The following KHDRBS2 variants were observed in gnomAD, a reference collection of about 807,000 sequenced individuals.
The protein encoded by KHDRBS2 is KH domain-containing, RNA-binding, signal transduction-associated protein 2.
A neutral mutation model predicts 44.3 loss-of-function variants in KHDRBS2; 26 were observed. The ratio of observed to expected loss-of-function variants is 0.59; its 90% confidence interval spans 0.43 to 0.81. The LOEUF is 0.81. Ranked by LOEUF, KHDRBS2 falls within the 40% of genes least tolerant of loss-of-function variation. KHDRBS2 has a pLI of 0.00. For missense variants in KHDRBS2, 476 were observed against 433.1 expected (o/e 1.10, Z -0.88); for synonymous variants, 194 against 151.1 (o/e 1.28, Z -2.08).
chr6:61,824,030 A>T (rs192469458), intron 6 of KHDRBS2, among the ~76,000 whole-genome samples: 11 of 152,188 alleles, frequency 7.2e-5, no homozygotes, highest in Admixed American at 2.0e-4. Context: ...CCAAAAGAAA[A>T]TTTTTTAATT....
Position 61,867,613 on chromosome 6 carries a change from C to T in KHDRBS2, c.810+27022G>A, listed in dbSNP as rs571325558. Reference sequence around the variant, plus strand: ...TATCTGCCTTCCATCTTTGATGTTGCTGATCTTTGGATGGGGTTTTTTGTT... The same window carrying T: ...TATCTGCCTTCCATCTTTGATGTTGTTGATCTTTGGATGGGGTTTTTTGTT... On this transcript the variant is annotated intron_variant, in intron 6 of 8. Transcript: ENST00000281156. Among the ~76,000 whole-genome samples the T allele has an allele frequency of 2.0e-5, 3 of 152,298 alleles. No individual in the cohort carries two copies. In the South Asian group the frequency reaches 6.2e-4, roughly 32 times the overall value.
At chr6:61,907,870 G>T (rs1805306942) in intron 4 of KHDRBS2, among the ~76,000 whole-genome samples, 1 of 152,122 alleles carries the variant, frequency 6.6e-6, no homozygotes, top group Non-Finnish European at 1.5e-5. Flanking sequence ...TTTATTTGTT[G>T]CATGTGTTGC....
At chr6:61,621,987 TTCA>T in the KHDRBS2 span, among the ~76,000 whole-genome samples, 1 of 152,204 alleles carries the variant, frequency 6.6e-6, no homozygotes, top group East Asian at 1.9e-4. Context: ...AAGTATATAA[TTCA>T]TCACAGCCTG....
chr6:62,250,838 A>G (rs1363774592), intron 1 of KHDRBS2, among the ~76,000 whole-genome samples: 1 of 152,050 alleles, frequency 6.6e-6, no homozygotes, highest in Admixed American at 6.6e-5. Context: ...GATAAAATGT[A>G]TTCTTCAAAA....
chr6:61,551,922 T>A, the KHDRBS2 span, among the ~76,000 whole-genome samples: 1 of 152,158 alleles, frequency 6.6e-6, no homozygotes, highest in African/African-American at 2.4e-5. Context: ...ATATCCCATG[T>A]GAATGGGATT....
intron 3 of KHDRBS2, among the ~76,000 whole-genome samples, chr6:62,010,938 T>C (rs573058778): frequency 1.2e-4 from 19 of 152,136 alleles, no homozygotes; most frequent in Non-Finnish European, 2.8e-4. Flanking sequence ...CCACCTCCTG[T>C]ATTAAAAAAA....
chr6:62,110,996 C>A (rs1804873920), intron 2 of KHDRBS2, among the ~76,000 whole-genome samples: 2 of 151,906 alleles, frequency 1.3e-5, no homozygotes, highest in Admixed American at 1.3e-4. Context: ...TATAATAACT[C>A]CATTAAATAT....
chr6:62,243,889 C>T (rs1286510033), intron 1 of KHDRBS2, among the ~76,000 whole-genome samples: 1 of 152,072 alleles, frequency 6.6e-6, no homozygotes, highest in Non-Finnish European at 1.5e-5. Context: ...GAATCTTTAA[C>T]AGATTAAGGA....
chr6:62,003,291 A>G (rs988572681), intron 3 of KHDRBS2, among the ~76,000 whole-genome samples: 1 of 152,032 alleles, frequency 6.6e-6, no homozygotes, highest in Admixed American at 6.6e-5. Flanking sequence ...AAAAAAGTAA[A>G]GTAAAATAAA....
intron 4 of KHDRBS2, among the ~76,000 whole-genome samples, chr6:61,917,116 C>T (rs569882769): frequency 3.7e-4 from 56 of 151,748 alleles, no homozygotes; most frequent in Non-Finnish European, 7.5e-4. Flanking sequence ...GAGTTGAAAA[C>T]TTACATGCGC....
intron 2 of KHDRBS2, among the ~76,000 whole-genome samples, chr6:62,078,646 A>T (rs2127352537): frequency 6.6e-6 from 1 of 152,138 alleles, no homozygotes; most frequent in Admixed American, 6.6e-5. Flanking sequence ...CATGACAGAA[A>T]TTGAAAGGAA....
intron 6 of KHDRBS2, among the ~76,000 whole-genome samples, chr6:61,780,568 GA>G (rs1782785937): frequency 6.6e-6 from 1 of 152,054 alleles, no homozygotes; most frequent in Non-Finnish European, 1.5e-5. Context: ...TTATTTGGGA[GA>G]ATATTCAACA....
intron 3 of KHDRBS2, among the ~76,000 whole-genome samples, chr6:62,001,033 G>C (rs1421293507): frequency 3.3e-5 from 5 of 152,164 alleles, no homozygotes; most frequent in Admixed American, 3.3e-4. Context: ...ATTTGTGCTT[G>C]AGCAATAATG....
intron 1 of KHDRBS2, among the ~76,000 whole-genome samples, chr6:62,244,813 A>G (rs1289715916): frequency 6.6e-6 from 1 of 152,122 alleles, no homozygotes; most frequent in Non-Finnish European, 1.5e-5. Context: ...AGCAGTTTAC[A>G]TTTGGCCGGC....
intron 6 of KHDRBS2, among the ~76,000 whole-genome samples, chr6:61,861,166 CTGCTTACTCTGTTCATAGCTTCTTT>C (rs1275149407): frequency 1.3e-5 from 2 of 152,048 alleles, no homozygotes; most frequent in Non-Finnish European, 2.9e-5. Flanking sequence ...TGTAGATTAT[CTGCTTACTCTGTTCATAGCTTCTTT>C]TGCTGTGCAG....
At chr6:62,026,403 ATTATT>A (rs1783314404) in intron 3 of KHDRBS2, among the ~76,000 whole-genome samples, 1 of 145,922 alleles carries the variant, frequency 6.9e-6, no homozygotes, top group African/African-American at 2.5e-5. Flanking sequence ...TAACTAATTA[ATTATT>A]TTATTTTATT....
At chr6:61,627,126 G>A in the KHDRBS2 span, among the ~76,000 whole-genome samples, 4 of 151,016 alleles carry the variant, frequency 2.6e-5, no homozygotes, top group African/African-American at 4.9e-5. Context: ...GGTAGCGGGC[G>A]CCTGTAGTCC....
At chr6:61,602,763 C>T in the KHDRBS2 span, among the ~76,000 whole-genome samples, 1 of 152,112 alleles carries the variant, frequency 6.6e-6, no homozygotes, top group Non-Finnish European at 1.5e-5. Context: ...GATGGCCAGG[C>T]TTCTAAACCT....
chr6:61,976,868 G>A (rs1330195718), intron 4 of KHDRBS2, among the ~76,000 whole-genome samples: 2 of 152,054 alleles, frequency 1.3e-5, no homozygotes. Context: ...AAAATAAAAC[G>A]TAGCATCCTC....
Sources: gnomAD v4.1 joint callset for allele counts (sites outside exome capture counted in the v4.1 genomes callset) on GRCh38, gnomAD v4.1.1 for gene constraint, MANE v1.5 for transcripts, NCBI Gene and HGNC (gene_info 2026-07-23, HGNC 2026-07-21) for gene names.